The following GRID2 variants were observed in gnomAD, a reference collection of about 807,000 sequenced individuals.
The protein encoded by GRID2 is glutamate receptor ionotropic, delta-2.
GRID2 carries 33 observed loss-of-function variants against 114.8 expected under a neutral mutation model. The ratio of observed to expected loss-of-function variants is 0.29; its 90% CI spans 0.22 to 0.38. GRID2 has a LOEUF of 0.38. GRID2 is among the 10% of genes least tolerant of loss of function. The pLI, the probability that GRID2 is intolerant of heterozygous loss-of-function variation, is 1.00. For synonymous variants in GRID2, 505 were observed against 449.9 expected (o/e 1.12, Z -1.55); for missense variants, 1,184 against 1,257.7 (o/e 0.94, Z 0.89).
In GRID2 at chr4:92,742,328, C is replaced by A. The variant is rs1578131486; in HGVS notation, c.244+152042C>A. Reference sequence around the variant, plus strand: ...ATTATATTCTACATAATGCTCATTTCTCTGGACTATAGTTAACTTATTTTT... The same window carrying A: ...ATTATATTCTACATAATGCTCATTTATCTGGACTATAGTTAACTTATTTTT... On this transcript the variant is annotated intron_variant, in intron 2 of 15. Coordinates refer to ENST00000282020, the MANE Select transcript of GRID2 (RefSeq NM_001510.4). Among the ~76,000 whole-genome samples the A allele has an allele frequency of 3.3e-5, 5 of 152,044 alleles. No individual in the cohort carries two copies. The South Asian group carries it at 1.0e-3, about 32-fold the overall frequency.
At chr4:92,907,228 A>G (rs991905748) in intron 2 of GRID2, among the ~76,000 whole-genome samples, 2 of 152,140 alleles carry the variant, frequency 1.3e-5, no homozygotes, top group Non-Finnish European at 2.9e-5. Context: ...AGAGCCAGAC[A>G]TTCATTCTTC....
intron 4 of GRID2, among the ~76,000 whole-genome samples, chr4:93,158,165 T>G (rs1737351930): frequency 6.6e-6 from 1 of 151,806 alleles, no homozygotes; most frequent in African/African-American, 2.4e-5. Context: ...TTTTGCAGAC[T>G]TTTCTGCCAC....
At chr4:92,856,491 TTG>T (rs1441065387) in intron 2 of GRID2, among the ~76,000 whole-genome samples, 1 of 152,142 alleles carries the variant, frequency 6.6e-6, no homozygotes, top group African/African-American at 2.4e-5. Context: ...ACAAGTAAAT[TTG>T]TGTGTGTTTC....
At chr4:92,410,197 C>T (rs1164787072) in intron 1 of GRID2, among the ~76,000 whole-genome samples, 1 of 152,158 alleles carries the variant, frequency 6.6e-6, no homozygotes, top group African/African-American at 2.4e-5. Context: ...CACGCTTCAA[C>T]TTCTTTGTGT....
At chr4:92,785,122 G>T (rs1291834309) in intron 2 of GRID2, among the ~76,000 whole-genome samples, 2 of 139,890 alleles carry the variant, frequency 1.4e-5, no homozygotes, top group Non-Finnish European at 3.1e-5. Flanking sequence ...AAAATGATAA[G>T]TCTCTTAGTA....
At chr4:92,459,935 G>C in intron 1 of GRID2, among the ~76,000 whole-genome samples, 1 of 148,384 alleles carries the variant, frequency 6.7e-6, no homozygotes, top group Non-Finnish European at 1.5e-5. Flanking sequence ...GATTCAAACT[G>C]TCACTCTTTC....
rs368470958 is a variant in GRID2, at chr4:93,186,151, A to T, written c.736-21253A>T. 1.5e-4 allele frequency among the ~76,000 whole-genome samples: 23 copies of T among 152,226 alleles called. No homozygotes were observed. The East Asian group carries it at 2.9e-3, about 19-fold the overall frequency. ...ATTTTCTTAATCCAGTCTATCAATG[A>T]TGGACATTTGGGTTGGTTCCAAGTC... is the stretch of plus-strand genomic sequence containing the variant. On this transcript the variant is annotated intron_variant, in intron 4 of 15. Coordinates refer to ENST00000282020, the MANE Select transcript of GRID2 (RefSeq NM_001510.4).
At chr4:92,976,707 A>T (rs1033336149) in intron 2 of GRID2, among the ~76,000 whole-genome samples, 1 of 152,120 alleles carries the variant, frequency 6.6e-6, no homozygotes, top group African/African-American at 2.4e-5. Context: ...ACTTCTCCCT[A>T]TATTAGCAGA....
intron 1 of GRID2, among the ~76,000 whole-genome samples, chr4:92,447,808 G>T (rs1296345367): frequency 6.6e-6 from 1 of 152,134 alleles, no homozygotes; most frequent in African/African-American, 2.4e-5. Context: ...ACTAATTCCA[G>T]TGATGAGGGC....
chr4:93,667,194 A>C (rs1328684697), intron 14 of GRID2, among the ~76,000 whole-genome samples: 1 of 151,994 alleles, frequency 6.6e-6, no homozygotes, highest in Admixed American at 6.6e-5. Context: ...GTGTGCATGG[A>C]TTTTTGAGAA....
Position 92,830,294 on chromosome 4 carries a change from G to GTT in GRID2, c.244+240021_244+240022dup, listed in dbSNP as rs58306762. Among the ~76,000 whole-genome samples, 5 of 137,452 alleles carry GTT rather than the reference G, an allele frequency of 3.6e-5. No individual in the cohort carries two copies. The South Asian group carries it at 7.0e-4, about 19-fold the overall frequency. 90.2% of individuals were successfully genotyped at this position (137,452 alleles called of 152,430 possible). Reference sequence around the variant, plus strand: ...AAGTAGGACAACTGGGATTTACATTGTTTTTTTTTTTTTTATTCTGAAAGA... The same window carrying GTT: ...AAGTAGGACAACTGGGATTTACATTGTTTTTTTTTTTTTTTTATTCTGAAAGA... On this transcript the variant is annotated intron_variant, in intron 2 of 15. Coordinates refer to ENST00000282020, the MANE Select transcript of GRID2 (RefSeq NM_001510.4).
At chr4:92,750,092 C>T (rs111822436) in intron 2 of GRID2, among the ~76,000 whole-genome samples, 212 of 152,200 alleles carry the variant, frequency 1.4e-3, no homozygotes, top group African/African-American at 5.0e-3. Flanking sequence ...AACTCCCGAC[C>T]TTAGCTGATC....
chr4:93,158,150 T>C (rs937798931), intron 4 of GRID2, among the ~76,000 whole-genome samples: 1 of 151,814 alleles, frequency 6.6e-6, no homozygotes, highest in African/African-American at 2.4e-5. Flanking sequence ...TTGTGAGATA[T>C]GTCATTTTGC....
At chr4:93,338,279 C>T (rs1379579020) in intron 8 of GRID2, among the ~76,000 whole-genome samples, 1 of 152,082 alleles carries the variant, frequency 6.6e-6, no homozygotes, top group African/African-American at 2.4e-5. Context: ...GACAGTTTCT[C>T]CATGACTTTC....
chr4:92,912,481 T>A (rs17020019), intron 2 of GRID2, among the ~76,000 whole-genome samples: 4,317 of 142,312 alleles, frequency 0.03, 91 homozygotes, highest in Middle Eastern at 0.086. Flanking sequence ...GATAGTGTTT[T>A]GATATGTACA....
chr4:93,462,177 T>C (rs1206755881), intron 11 of GRID2, among the ~76,000 whole-genome samples: 1 of 152,166 alleles, frequency 6.6e-6, no homozygotes, highest in Non-Finnish European at 1.5e-5. Context: ...AACTAGGGTT[T>C]AATAAATATT....
intron 10 of GRID2, among the ~76,000 whole-genome samples, chr4:93,444,470 T>G (rs1407396253): frequency 1.3e-5 from 2 of 151,992 alleles, no homozygotes; most frequent in Admixed American, 6.6e-5. Context: ...AAAAATCTAT[T>G]GAAATAATGA....
chr4:93,082,534 T>C lies in GRID2; in HGVS notation c.245-2461T>C, dbSNP rs1729960886. On this transcript the variant is annotated intron_variant, in intron 2 of 15. Transcript: ENST00000282020. The stretch of plus-strand genomic sequence containing the variant: ...AAAATGATTTTGGTACTTTTTCTTA[T>C]TGAGTCTCAAACTCTCAAAATAGTG... Among the ~76,000 whole-genome samples, 3 of 152,186 alleles carry C rather than the reference T, an allele frequency of 2.0e-5. No homozygotes were observed. The South Asian group carries it at 6.2e-4, about 32-fold the overall frequency.
intron 14 of GRID2, among the ~76,000 whole-genome samples, chr4:93,727,909 A>C (rs1181793287): frequency 2.0e-5 from 3 of 151,930 alleles, no homozygotes; most frequent in Non-Finnish European, 2.9e-5. Flanking sequence ...GCAGTCTATC[A>C]ATTTTGTTGA....
Sources: allele counts gnomAD v4.1 joint callset (sites outside exome capture counted in the v4.1 genomes callset), GRCh38; gene constraint gnomAD v4.1.1; transcripts MANE v1.5; gene names NCBI Gene and HGNC (gene_info 2026-07-23, HGNC 2026-07-21).